The following DCDC1 variants were observed in gnomAD, a reference collection of about 807,000 sequenced individuals.
The protein encoded by DCDC1 is doublecortin domain-containing protein 1.
A neutral mutation model predicts 178.3 loss-of-function variants in DCDC1; 200 were observed. The ratio of observed to expected loss-of-function variants is 1.12; its 90% CI spans 1.00 to 1.26. The LOEUF (loss-of-function observed/expected upper bound fraction) is 1.26, where lower values mean the gene tolerates loss of function less well. Among genes scored for constraint, DCDC1 ranks in the 50% most tolerant of loss-of-function variants. DCDC1 has a pLI of 0.00. For synonymous variants in DCDC1, 690 were observed against 604.8 expected (o/e 1.14, Z -2.07); for missense variants, 1,983 against 1,749.2 (o/e 1.13, Z -2.38).
At chr11:31,128,822 T>C (rs981842444) in intron 10 of DCDC1, among the ~76,000 whole-genome samples, 1 of 152,204 alleles carries the variant, frequency 6.6e-6, no homozygotes, top group Non-Finnish European at 1.5e-5. Context: ...TATATTTTTA[T>C]AGTGTTTCCT....
intron 20 of DCDC1, 75 bp downstream of exon 20, chr11:31,064,394 A>G (rs1590925073): frequency 1.5e-6 from 1 of 658,296 alleles, no homozygotes; most frequent in Admixed American, 2.1e-5. Flanking sequence ...TCTTCAAGAA[A>G]TCAATCTTAC....
intron 10 of DCDC1, among the ~76,000 whole-genome samples, chr11:31,132,040 T>G (rs1292286896): frequency 6.6e-6 from 1 of 152,190 alleles, no homozygotes; most frequent in African/African-American, 2.4e-5. Context: ...CCGGCATAGA[T>G]TTTTGGTTGC....
At chr11:30,865,870 G>C (rs1168509750) in intron 38 of DCDC1, among the ~76,000 whole-genome samples, 2 of 152,052 alleles carry the variant, frequency 1.3e-5, no homozygotes, top group Non-Finnish European at 2.9e-5. Context: ...TTAATGGTAG[G>C]GCACTTGTGC....
intron 3 of DCDC1, among the ~76,000 whole-genome samples, chr11:31,319,477 C>A (rs1949249482): frequency 1.5e-5 from 1 of 64,828 alleles, no homozygotes; most frequent in African/African-American, 1.5e-4. Flanking sequence ...GGATTGCAAC[C>A]CCTGCCTTTT....
At chr11:31,072,341 C>T (rs1193471126) in intron 18 of DCDC1, among the ~76,000 whole-genome samples, 2 of 152,000 alleles carry the variant, frequency 1.3e-5, no homozygotes, top group African/African-American at 4.8e-5. Flanking sequence ...TGAGTATTAT[C>T]GCATTCTCTG....
intron 9 of DCDC1, among the ~76,000 whole-genome samples, chr11:31,226,708 TAA>T (rs35522659): frequency 9.7e-4 from 127 of 130,942 alleles, no homozygotes; most frequent in South Asian, 1.7e-3. Flanking sequence ...ATCTCATCTC[TAA>T]AAAAAAAAAA....
At chr11:31,250,415 C>CACACACACACACACACATAT (rs1223526182) in intron 8 of DCDC1, among the ~76,000 whole-genome samples, 7 of 73,652 alleles carry the variant, frequency 9.5e-5, no homozygotes, top group Non-Finnish European at 2.0e-4. Context: ...CACACACACA[C>CACACACACACACACACATAT]ATATACATAT....
chr11:30,917,302 T>C (rs921477579), intron 25 of DCDC1, among the ~76,000 whole-genome samples: 12 of 152,202 alleles, frequency 7.9e-5, no homozygotes, highest in African/African-American at 2.2e-4. Flanking sequence ...ATGTATTGTA[T>C]TTCAAAAATC....
chr11:31,152,406 C>T (rs1219270355), intron 9 of DCDC1, among the ~76,000 whole-genome samples: 1 of 152,170 alleles, frequency 6.6e-6, no homozygotes, highest in Non-Finnish European at 1.5e-5. Flanking sequence ...TAAAAGTCTC[C>T]ACCACAGTGT....
rs146555708 is a variant in DCDC1, at chr11:31,228,906, G to C, written c.1221+12544C>G. Among the ~76,000 whole-genome samples, 308 of 152,104 alleles carry C rather than the reference G, an allele frequency of 2.0e-3. 4 individuals are homozygous for C. Among genetic ancestry groups the C allele is most frequent in the African/African-American group, 7.0e-3 (291 of 41,530 alleles). On this transcript the variant is annotated intron_variant, in intron 9 of 38. Transcript: ENST00000684477. ...GGAACATGGAGGAATACTGGAAGGG[G>C]GAAAGAGAGAGAAGGGCTGAAAAAC...
At chr11:31,052,131 T>G (rs1955298563) in intron 20 of DCDC1, among the ~76,000 whole-genome samples, 1 of 152,102 alleles carries the variant, frequency 6.6e-6, no homozygotes, top group Admixed American at 6.6e-5. Context: ...AGAACTCACA[T>G]AAACATAAAG....
In DCDC1 at chr11:30,920,907, A is replaced by G. The variant is rs778067125; in HGVS notation, c.3162T>C (p.Ile1054=). Residue 1054 remains isoleucine, a synonymous_variant, in exon 25 of 39, where the codon ATT becomes ATC. Coordinates refer to ENST00000684477, the MANE Select transcript of DCDC1 (RefSeq NM_001387274.1). ...EALVLEVQSD[I]VSGSKLAVHK... ...GCACAGCAAGCTTGCTTCCAGATACAATGTCACTTTGGACTTCTAAAACAA... is the reference window on the plus strand; with the variant it reads ...GCACAGCAAGCTTGCTTCCAGATACGATGTCACTTTGGACTTCTAAAACAA... 3.7e-6 allele frequency: 6 copies of G among 1,612,426 alleles called. No homozygotes were observed. The highest frequency in any genetic ancestry group is 5.1e-6 in the Non-Finnish European group (6 of 1,179,234).
intron 9 of DCDC1, among the ~76,000 whole-genome samples, chr11:31,208,118 T>C (rs1972081173): frequency 6.6e-6 from 1 of 152,154 alleles, no homozygotes; most frequent in Non-Finnish European, 1.5e-5. Context: ...ATTTCCATGG[T>C]TTTACTTACT....
intron 20 of DCDC1, among the ~76,000 whole-genome samples, chr11:30,994,706 CAT>C (rs1355907243): frequency 2.9e-5 from 4 of 140,340 alleles, no homozygotes; most frequent in South Asian, 2.2e-4. Context: ...TAATATATAA[CAT>C]ATAGTATATG....
At chr11:31,333,119 C>T (rs951239620) in intron 2 of DCDC1, among the ~76,000 whole-genome samples, 2 of 152,100 alleles carry the variant, frequency 1.3e-5, no homozygotes, top group African/African-American at 2.4e-5. Context: ...TGAATTGATC[C>T]CTTTACCATT....
At chr11:31,350,692 C>T (rs1228292370) in intron 1 of DCDC1, among the ~76,000 whole-genome samples, 1 of 152,094 alleles carries the variant, frequency 6.6e-6, no homozygotes, top group Non-Finnish European at 1.5e-5. Context: ...TACTTAAATG[C>T]TGCATTGCAG....
chr11:31,238,678 AC>A (rs1976741761), intron 9 of DCDC1, among the ~76,000 whole-genome samples: 1 of 152,146 alleles, frequency 6.6e-6, no homozygotes, highest in Non-Finnish European at 1.5e-5. Flanking sequence ...AGTGTTAACT[AC>A]ATTTCATAGG....
chr11:31,329,236 A>C (rs1949824908), intron 2 of DCDC1, among the ~76,000 whole-genome samples: 1 of 152,120 alleles, frequency 6.6e-6, no homozygotes, highest in African/African-American at 2.4e-5. Context: ...AGATGAAAGC[A>C]GACCTAAGAG....
At chr11:31,307,464 T>A in intron 4 of DCDC1, 175 bp downstream of exon 4, 1 of 741,754 alleles carries the variant, frequency 1.3e-6, no homozygotes, top group South Asian at 2.0e-5. Context: ...TCCCACAGTG[T>A]AATTAACAAC....
Sources: allele counts gnomAD v4.1 joint callset (sites outside exome capture counted in the v4.1 genomes callset), GRCh38; gene constraint gnomAD v4.1.1; transcripts MANE v1.5; gene names NCBI Gene and HGNC (gene_info 2026-07-23, HGNC 2026-07-21).